GRIP1: variants seen among roughly 807,000 people sequenced by gnomAD.
GRIP1 encodes the protein glutamate receptor-interacting protein 1.
Under a neutral mutation model 129.9 loss-of-function variants are expected in GRIP1, and 45 were observed. The ratio of observed to expected loss-of-function variants is 0.35; its 90% CI spans 0.27 to 0.44. GRIP1 has a LOEUF of 0.44. Among genes scored for constraint, GRIP1 ranks in the 20% least tolerant of loss-of-function variants. The probability of loss-of-function intolerance (pLI) is 1.00; values close to 1 mark genes in which losing one functional copy is unlikely to be tolerated. For missense variants in GRIP1, 1,196 were observed against 1,396.8 expected (o/e 0.86, Z 2.29); for synonymous variants, 530 against 520.8 (o/e 1.02, Z -0.24).
chr12:66,394,968 C>T (rs145739631), intron 16 of GRIP1, among the ~76,000 whole-genome samples: 5 of 152,260 alleles, frequency 3.3e-5, no homozygotes, highest in East Asian at 3.9e-4. Flanking sequence ...CAGTGAATTA[C>T]GGATATTAAA....
At chr12:66,597,584 T>G (rs1399686858) in intron 1 of GRIP1, among the ~76,000 whole-genome samples, 1 of 152,208 alleles carries the variant, frequency 6.6e-6, no homozygotes, top group Non-Finnish European at 1.5e-5. Flanking sequence ...AGCTGGTTTG[T>G]GCTCTTTTAG....
intron 7 of GRIP1, among the ~76,000 whole-genome samples, chr12:66,509,477 G>A (rs1436425226): frequency 6.6e-6 from 1 of 152,134 alleles, no homozygotes. Flanking sequence ...AAAAGGCACT[G>A]TATTTTACTA....
At chr12:66,896,970 C>T (rs1320304137) in intron 1 of GRIP1, among the ~76,000 whole-genome samples, 1 of 152,204 alleles carries the variant, frequency 6.6e-6, no homozygotes, top group East Asian at 1.9e-4. Flanking sequence ...CTCTGAGAGG[C>T]AGTGTCACAC....
intron 1 of GRIP1, among the ~76,000 whole-genome samples, chr12:67,030,866 C>A (rs1592491354): frequency 6.6e-6 from 1 of 152,042 alleles, no homozygotes; most frequent in East Asian, 1.9e-4. Context: ...TGGACAGCAA[C>A]AAAGTTAGTT....
intron 2 of GRIP1, among the ~76,000 whole-genome samples, chr12:66,593,471 T>G (rs1212389923): frequency 6.6e-6 from 1 of 152,192 alleles, no homozygotes; most frequent in African/African-American, 2.4e-5. Flanking sequence ...TACTCTGTAT[T>G]AGTCATGGAA....
intron 9 of GRIP1, among the ~76,000 whole-genome samples, chr12:66,461,496 T>C (rs2059135483): frequency 6.6e-6 from 1 of 152,224 alleles, no homozygotes; most frequent in African/African-American, 2.4e-5. Flanking sequence ...TGCATCCTTG[T>C]GAACGGCACC....
chr12:66,751,861 T>A (rs1189012372), intron 1 of GRIP1, among the ~76,000 whole-genome samples: 1 of 152,244 alleles, frequency 6.6e-6, no homozygotes. Flanking sequence ...TGTCACAAGC[T>A]AATGTCTACA....
chr12:66,842,432 C>T (rs1349451980), intron 1 of GRIP1, among the ~76,000 whole-genome samples: 1 of 152,158 alleles, frequency 6.6e-6, no homozygotes, highest in Non-Finnish European at 1.5e-5. Context: ...AGCATCTCCA[C>T]TCACTGTTGT....
intron 2 of GRIP1, among the ~76,000 whole-genome samples, chr12:66,584,399 A>C (rs1013058096): frequency 6.6e-6 from 1 of 151,260 alleles, no homozygotes; most frequent in Non-Finnish European, 1.5e-5. Context: ...CTAAAACTTA[A>C]AGTATAATAA....
chr12:66,434,620 T>G (rs933125907), intron 13 of GRIP1, among the ~76,000 whole-genome samples: 1 of 152,238 alleles, frequency 6.6e-6, no homozygotes, highest in South Asian at 2.1e-4. Context: ...CTTCAGGAGC[T>G]GCAAATGTCA....
At chr12:66,946,572 A>T (rs1245191877) in intron 1 of GRIP1, among the ~76,000 whole-genome samples, 1 of 151,874 alleles carries the variant, frequency 6.6e-6, no homozygotes, top group Non-Finnish European at 1.5e-5. Flanking sequence ...AATTTTAGCT[A>T]GCATCAGAAT....
Position 66,545,745 on chromosome 12 carries a change from A to G in GRIP1, c.137-3795T>C, listed in dbSNP as rs568978990. On this transcript the variant is annotated intron_variant, in intron 2 of 24. Transcript: ENST00000359742. Reference sequence around the variant, plus strand: ...AAGAACTAATATTCCAGTGGATAGCATAAGTCAACAGAAAAAAGCATTGAT... The same window carrying G: ...AAGAACTAATATTCCAGTGGATAGCGTAAGTCAACAGAAAAAAGCATTGAT... Among the ~76,000 whole-genome samples, 86 of 152,358 alleles carry G rather than the reference A, an allele frequency of 5.6e-4. 1 individual carries two copies. In the South Asian group the frequency reaches 0.017, roughly 30 times the overall value.
intron 1 of GRIP1, among the ~76,000 whole-genome samples, chr12:66,646,928 C>T (rs1376479489): frequency 6.6e-6 from 1 of 152,222 alleles, no homozygotes; most frequent in Non-Finnish European, 1.5e-5. Flanking sequence ...TCTATTCTCA[C>T]CTTACATCAA....
At chr12:66,431,012 T>G (rs1252236984) in intron 14 of GRIP1, among the ~76,000 whole-genome samples, 1 of 152,110 alleles carries the variant, frequency 6.6e-6, no homozygotes, top group Non-Finnish European at 1.5e-5. Context: ...AGTGCACAAC[T>G]CCAAGACGCA....
chr12:66,828,272 G>A (rs902628328), intron 1 of GRIP1, among the ~76,000 whole-genome samples: 1 of 152,172 alleles, frequency 6.6e-6, no homozygotes, highest in Non-Finnish European at 1.5e-5. Context: ...GTTAAAGAGA[G>A]CAAGAGACTG....
intron 1 of GRIP1, among the ~76,000 whole-genome samples, chr12:66,794,865 G>T (rs1566025949): frequency 6.6e-6 from 1 of 152,086 alleles, no homozygotes; most frequent in African/African-American, 2.4e-5. Flanking sequence ...ATGAAAACTT[G>T]GCATTGGTAG....
intron 14 of GRIP1, among the ~76,000 whole-genome samples, chr12:66,422,334 C>T (rs1357051289): frequency 1.3e-5 from 2 of 152,182 alleles, no homozygotes; most frequent in Non-Finnish European, 2.9e-5. Context: ...CTCTTCACTA[C>T]AATTAATTCA....
At chr12:66,554,737 A>T (rs1050010170) in intron 2 of GRIP1, among the ~76,000 whole-genome samples, 2 of 152,142 alleles carry the variant, frequency 1.3e-5, no homozygotes, top group Non-Finnish European at 2.9e-5. Flanking sequence ...CCTTAAGTGA[A>T]CATCGGTGGT....
intron 1 of GRIP1, among the ~76,000 whole-genome samples, chr12:66,625,090 G>C (rs1328693144): frequency 6.6e-6 from 1 of 151,680 alleles, no homozygotes; most frequent in Non-Finnish European, 1.5e-5. Flanking sequence ...GTCTCAGGAA[G>C]GAAGAGACAT....
Sources: allele counts gnomAD v4.1 joint callset (sites outside exome capture counted in the v4.1 genomes callset), GRCh38; gene constraint gnomAD v4.1.1; transcripts MANE v1.5; gene names NCBI Gene and HGNC (gene_info 2026-07-23, HGNC 2026-07-21).